Variants in TMEM87B observed in about 807,000 individuals in gnomAD.
TMEM87B encodes the protein transmembrane protein 87B.
A neutral mutation model predicts 80.3 loss-of-function variants in TMEM87B; 83 were observed. That is an observed-to-expected ratio of 1.03 (90% CI 0.87 to 1.24). TMEM87B has a LOEUF of 1.24. TMEM87B is among the 50% of genes most tolerant of loss of function. The probability of loss-of-function intolerance (pLI) is 0.00; values close to 1 mark genes in which losing one functional copy is unlikely to be tolerated. For synonymous variants in TMEM87B, 219 were observed against 230.5 expected (o/e 0.95, Z 0.45); for missense variants, 625 against 674.4 (o/e 0.93, Z 0.81).
intron 11 of TMEM87B, 133 bp downstream of exon 11, chr2:112,091,916 GAA>G (rs1344731506): frequency 1.5e-6 from 1 of 660,764 alleles, no homozygotes; most frequent in Non-Finnish European, 2.5e-6. Context: ...ACTTGAAGGT[GAA>G]AAAGTAGCAA....
intron 16 of TMEM87B, 40 bp downstream of exon 16, chr2:112,106,115 T>C (rs1487578918): frequency 7.7e-7 from 1 of 1,292,580 alleles, no homozygotes. Context: ...TAGTCTTCCT[T>C]AGTCTTCACT....
At chr2:112,075,547 A>G (rs1044355505) in intron 5 of TMEM87B, among the ~76,000 whole-genome samples, 2 of 152,184 alleles carry the variant, frequency 1.3e-5, no homozygotes, top group Non-Finnish European at 1.5e-5. Flanking sequence ...TAAATGTGCA[A>G]GACAGCATAG....
chr2:112,098,475 T>C (rs746362757), intron 13 of TMEM87B, 120 bp from the exon 14 acceptor site: 2 of 850,690 alleles, frequency 2.4e-6, no homozygotes, highest in Non-Finnish European at 3.7e-6. Context: ...GCTTGTTTAT[T>C]TGGAAGACTT....
rs950617201 is a variant in TMEM87B, at chr2:112,086,292, C to T, written c.938+188C>T. On this transcript the variant is annotated intron_variant, in intron 9 of 18. Coordinates refer to ENST00000283206, the MANE Select transcript of TMEM87B (RefSeq NM_032824.3). Reference sequence around the variant, plus strand: ...TTTTATGTTATCTTCCAATAAAGACCCTGAATTTTTATTTCAATAACTTTA... The same window carrying T: ...TTTTATGTTATCTTCCAATAAAGACTCTGAATTTTTATTTCAATAACTTTA... Among the ~76,000 whole-genome samples the T allele has an allele frequency of 1.2e-4, 18 of 152,236 alleles. 1 individual carries two copies. Among genetic ancestry groups the T allele is most frequent in the Admixed American group, 3.9e-4 (6 of 15,292 alleles).
Position 112,116,250 on chromosome 2 carries a change from T to C in TMEM87B, c.*107T>C, listed in dbSNP as rs1680021102. 1.1e-6 allele frequency: 1 copy of C among 922,146 alleles called. No individual in the cohort carries two copies. Among genetic ancestry groups the C allele is most frequent in the Admixed American group, 2.5e-5 (1 of 40,112 alleles). 57.1% of individuals were successfully genotyped at this position (922,146 alleles called of 1,614,324 possible). Reference sequence around the variant, plus strand: ...CCTAAAAATTTTTATTGTGTTATCTTGGAAGTCTGTGTATCAAAATGAAGA... The same window carrying C: ...CCTAAAAATTTTTATTGTGTTATCTCGGAAGTCTGTGTATCAAAATGAAGA... On this transcript the variant is annotated 3_prime_UTR_variant, in exon 19 of 19. Coordinates refer to ENST00000283206, the MANE Select transcript of TMEM87B (RefSeq NM_032824.3).
chr2:112,069,460 GGCTTCCAGCTCCATCCATGT>G (rs745398840), intron 4 of TMEM87B, among the ~76,000 whole-genome samples: 17 of 152,122 alleles, frequency 1.1e-4, no homozygotes, highest in Admixed American at 7.9e-4. Context: ...TAAGGAAAAT[GGCTTCCAGCTCCATCCATGT>G]CCCTGCAAAG....
At chr2:112,060,516 G>C (rs1461913547) in intron 2 of TMEM87B, among the ~76,000 whole-genome samples, 1 of 151,556 alleles carries the variant, frequency 6.6e-6, no homozygotes, top group East Asian at 1.9e-4. Flanking sequence ...GTCAGCACTT[G>C]GTTATTTACA....
At chr2:112,081,213 A>G (rs531633573) in intron 7 of TMEM87B, 95 bp downstream of exon 7, 254 of 1,432,002 alleles carry the variant, frequency 1.8e-4, no homozygotes, top group Middle Eastern at 8.0e-4. Flanking sequence ...ATGCTTTGAC[A>G]TATCCTGTAT....
intron 15 of TMEM87B, among the ~76,000 whole-genome samples, chr2:112,105,274 T>G (rs1679736628): frequency 6.6e-6 from 1 of 152,216 alleles, no homozygotes; most frequent in South Asian, 2.1e-4. Context: ...TCAGCTTATG[T>G]TATAATTGTT....
At chr2:112,083,296 C>T (rs1679054970) in intron 8 of TMEM87B, among the ~76,000 whole-genome samples, 1 of 152,142 alleles carries the variant, frequency 6.6e-6, no homozygotes, top group Non-Finnish European at 1.5e-5. Context: ...ACTGGTGGTG[C>T]TGCCATATCT....
chr2:112,081,269 TG>T, intron 7 of TMEM87B, 65 bp from the exon 8 acceptor site: 1 of 1,476,088 alleles, frequency 6.8e-7, no homozygotes, highest in Non-Finnish European at 9.3e-7. Context: ...GATACTTGAA[TG>T]TAGAAGTGCC....
chr2:112,094,563 ATC>A (rs1558844699), intron 11 of TMEM87B, among the ~76,000 whole-genome samples: 1 of 152,204 alleles, frequency 6.6e-6, no homozygotes, highest in Non-Finnish European at 1.5e-5. Flanking sequence ...GATGGCTCTA[ATC>A]CATCTGGATT....
chr2:112,055,409 GT>G lies in TMEM87B; in HGVS notation c.-182del. 1.5e-6 allele frequency: 1 copy of G among 654,536 alleles called. No homozygotes were observed. Among genetic ancestry groups the G allele is most frequent in the Non-Finnish European group, 2.4e-6 (1 of 417,528 alleles). The allele number at this position is 654,536 out of a possible 1,614,324, so 40.5% of individuals were successfully genotyped here. A position where few individuals can be genotyped will look rare whatever the true frequency, so the allele number is the denominator to read the frequency against. ...TCAGAGCCCTAAGCCCTGCCTCCCGGTCCTGGCCGGGTTTCCCAGAACTGCA... is the reference window on the plus strand; with the variant it reads ...TCAGAGCCCTAAGCCCTGCCTCCCGGCCTGGCCGGGTTTCCCAGAACTGCA... On this transcript the variant is annotated 5_prime_UTR_variant, in exon 1 of 19. Coordinates refer to ENST00000283206, the MANE Select transcript of TMEM87B (RefSeq NM_032824.3).
At chr2:112,063,762 A>C (rs1678329790) in intron 2 of TMEM87B, among the ~76,000 whole-genome samples, 1 of 152,202 alleles carries the variant, frequency 6.6e-6, no homozygotes. Flanking sequence ...TCACTCCTCC[A>C]GTACCTCTTA....
intron 8 of TMEM87B, among the ~76,000 whole-genome samples, chr2:112,084,903 C>G (rs1239372734): frequency 1.3e-5 from 2 of 152,200 alleles, no homozygotes; most frequent in Non-Finnish European, 2.9e-5. Flanking sequence ...CACATTTTTT[C>G]TGTCAAGGCC....
At chr2:112,096,072 C>T (rs1165254024) in intron 11 of TMEM87B, among the ~76,000 whole-genome samples, 1 of 152,024 alleles carries the variant, frequency 6.6e-6, no homozygotes, top group Non-Finnish European at 1.5e-5. Flanking sequence ...GAACCCCCTT[C>T]CCCACTGGAC....
chr2:112,080,691 T>C (rs1248840803), intron 6 of TMEM87B, among the ~76,000 whole-genome samples: 1 of 152,266 alleles, frequency 6.6e-6, no homozygotes, highest in Non-Finnish European at 1.5e-5. Context: ...TGTCTATGTC[T>C]ACTGTTAATT....
intron 11 of TMEM87B, chr2:112,095,346 A>C (rs1679437353): frequency 1.0e-6 from 1 of 984,396 alleles, no homozygotes; most frequent in Non-Finnish European, 1.2e-6. Context: ...CAGGATCAGA[A>C]GGGCTATTTG....
At chr2:112,108,728 C>T (rs1365889169) in intron 17 of TMEM87B, among the ~76,000 whole-genome samples, 1 of 151,908 alleles carries the variant, frequency 6.6e-6, no homozygotes, top group African/African-American at 2.4e-5. Context: ...GAATTGTCTG[C>T]CTTCAGGATT....
Sources: allele counts gnomAD v4.1 joint callset (sites outside exome capture counted in the v4.1 genomes callset), GRCh38; gene constraint gnomAD v4.1.1; transcripts MANE v1.5; gene names NCBI Gene and HGNC (gene_info 2026-07-23, HGNC 2026-07-21).